ZNF804A: variants seen among roughly 807,000 people sequenced by gnomAD.
ZNF804A encodes the protein zinc finger protein 804A.
In ZNF804A, 2 loss-of-function variants were observed where a neutral mutation model predicts 16.5. That is an observed-to-expected ratio of 0.12 (90% CI 0.05 to 0.38). ZNF804A has a LOEUF of 0.38. Among genes scored for constraint, ZNF804A ranks in the 10% least tolerant of loss-of-function variants. The pLI is 0.99. For synonymous variants in ZNF804A, 534 were observed against 489.6 expected (o/e 1.09, Z -1.20); for missense variants, 1,473 against 1,390.7 (o/e 1.06, Z -0.94).
intron 2 of ZNF804A, among the ~76,000 whole-genome samples, chr2:184,909,222 G>C (rs552187154): frequency 6.6e-6 from 1 of 152,034 alleles, no homozygotes; most frequent in African/African-American, 2.4e-5. Context: ...TGGTTTTATC[G>C]AGGAAAATGT....
At chr2:184,780,970 T>A (rs555455350) in intron 1 of ZNF804A, among the ~76,000 whole-genome samples, 1 of 151,726 alleles carries the variant, frequency 6.6e-6, no homozygotes, top group Non-Finnish European at 1.5e-5. Flanking sequence ...TTATAGAGAA[T>A]AGCAGCAACT....
chr2:184,872,677 A>G (rs1372900786), intron 2 of ZNF804A, among the ~76,000 whole-genome samples: 1 of 152,182 alleles, frequency 6.6e-6, no homozygotes, highest in African/African-American at 2.4e-5. Context: ...AGAGACACCA[A>G]TTTGCCCCAA....
intron 2 of ZNF804A, among the ~76,000 whole-genome samples, chr2:184,893,100 T>G (rs1034627995): frequency 2.6e-5 from 4 of 152,158 alleles, no homozygotes; most frequent in Non-Finnish European, 5.9e-5. Context: ...AGATATTTAA[T>G]GTTTTATTTT....
intron 1 of ZNF804A, among the ~76,000 whole-genome samples, chr2:184,693,268 G>A (rs899154368): frequency 6.6e-6 from 1 of 151,970 alleles, no homozygotes; most frequent in East Asian, 1.9e-4. Context: ...CTTTTATAAG[G>A]GGTTATAGAA....
At chr2:184,765,958 A>G (rs1474604616) in intron 1 of ZNF804A, among the ~76,000 whole-genome samples, 2 of 152,186 alleles carry the variant, frequency 1.3e-5, no homozygotes, top group Admixed American at 1.3e-4. Flanking sequence ...GAAAAAATCA[A>G]TATAACACTT....
In ZNF804A at chr2:184,856,161, A is replaced by G. The variant is rs557891392; in HGVS notation, c.112-10208A>G. Among the ~76,000 whole-genome samples, 13 of 152,198 alleles carry G rather than the reference A, an allele frequency of 8.5e-5. No individual in the cohort carries two copies. The East Asian group carries it at 2.5e-3, about 29-fold the overall frequency. On this transcript the variant is annotated intron_variant, in intron 1 of 3. Coordinates refer to ENST00000302277, the MANE Select transcript of ZNF804A (RefSeq NM_194250.2). ...CAAGGACTAGAGCAGCATGTATTGT[A>G]AGCCATGATATAAAGAACCATAAAG...
chr2:184,891,576 C>A (rs1456769593), intron 2 of ZNF804A, among the ~76,000 whole-genome samples: 1 of 125,014 alleles, frequency 8.0e-6, no homozygotes, highest in African/African-American at 4.3e-5. Context: ...CTGTAGGAAA[C>A]CACTGTTATT....
At chr2:184,758,929 G>A (rs1026349227) in intron 1 of ZNF804A, among the ~76,000 whole-genome samples, 3 of 151,916 alleles carry the variant, frequency 2.0e-5, no homozygotes, top group Admixed American at 2.0e-4. Flanking sequence ...CTGCAAGAAA[G>A]TAGTATTCAA....
chr2:184,800,641 A>AT lies in ZNF804A; in HGVS notation c.112-65721dup, dbSNP rs202229097. ...TGTTTTAGTTTGAAAATATTGTACAATTTTTTTATTTTTTAGAGTTCGTAA... is the reference window on the plus strand; with the variant it reads ...TGTTTTAGTTTGAAAATATTGTACAATTTTTTTTATTTTTTAGAGTTCGTAA... On this transcript the variant is annotated intron_variant, in intron 1 of 3. Transcript: ENST00000302277. Among the ~76,000 whole-genome samples, 341 of 151,692 alleles carry AT rather than the reference A, an allele frequency of 2.2e-3. 1 individual carries two copies. The highest frequency in any genetic ancestry group is 8.4e-3 in the Middle Eastern group (2 of 238).
At chr2:184,643,613 C>A (rs907684232) in intron 1 of ZNF804A, among the ~76,000 whole-genome samples, 1 of 151,798 alleles carries the variant, frequency 6.6e-6, no homozygotes, top group Admixed American at 6.6e-5. Context: ...TCAAGAAACA[C>A]TTTATTGTGG....
intron 1 of ZNF804A, among the ~76,000 whole-genome samples, chr2:184,835,602 T>C (rs572828473): frequency 6.6e-6 from 1 of 151,140 alleles, no homozygotes; most frequent in East Asian, 1.9e-4. Context: ...CTCAGTACTG[T>C]ACTGTAATAA....
intron 1 of ZNF804A, among the ~76,000 whole-genome samples, chr2:184,844,998 G>A (rs1695491969): frequency 6.6e-6 from 1 of 151,750 alleles, no homozygotes; most frequent in Non-Finnish European, 1.5e-5. Flanking sequence ...CATGGTCAAT[G>A]GATAAGTCTG....
At chr2:184,853,868 CTTT>C (rs35756065) in intron 1 of ZNF804A, among the ~76,000 whole-genome samples, 5,721 of 138,152 alleles carry the variant, frequency 0.041, 352 homozygotes, top group African/African-American at 0.14. Context: ...AATTTTGTTT[CTTT>C]TTTTTTTTTT....
At chr2:184,749,084 G>A (rs892266759) in intron 1 of ZNF804A, among the ~76,000 whole-genome samples, 19 of 151,264 alleles carry the variant, frequency 1.3e-4, no homozygotes, top group African/African-American at 3.4e-4. Flanking sequence ...TTTTTGGTTC[G>A]ATATGGATTT....
chr2:184,686,442 C>T (rs932539922), intron 1 of ZNF804A, among the ~76,000 whole-genome samples: 1 of 152,176 alleles, frequency 6.6e-6, no homozygotes, highest in Non-Finnish European at 1.5e-5. Flanking sequence ...TCTAATCTAC[C>T]ATTAATGGAC....
chr2:184,777,456 A>T (rs1694306143), intron 1 of ZNF804A, among the ~76,000 whole-genome samples: 1 of 151,628 alleles, frequency 6.6e-6, no homozygotes, highest in Admixed American at 6.6e-5. Context: ...ACATGATACG[A>T]GGAAGTATCT....
intron 1 of ZNF804A, among the ~76,000 whole-genome samples, chr2:184,775,501 CT>C (rs1694272550): frequency 6.6e-6 from 1 of 151,702 alleles, no homozygotes; most frequent in Non-Finnish European, 1.5e-5. Context: ...CGGTTCTACA[CT>C]TCTACTTTAG....
chr2:184,786,255 C>G (rs1192179159), intron 1 of ZNF804A, among the ~76,000 whole-genome samples: 1 of 151,900 alleles, frequency 6.6e-6, no homozygotes, highest in Non-Finnish European at 1.5e-5. Flanking sequence ...TTGGAATTCT[C>G]AAGCTAATCA....
chr2:184,749,970 GATA>G (rs932793128), intron 1 of ZNF804A, among the ~76,000 whole-genome samples: 33 of 151,348 alleles, frequency 2.2e-4, no homozygotes, highest in Admixed American at 8.6e-4. Context: ...TTTGCATAAA[GATA>G]ATGAATACTT....
Sources: allele counts gnomAD v4.1 joint callset (sites outside exome capture counted in the v4.1 genomes callset), GRCh38; gene constraint gnomAD v4.1.1; transcripts MANE v1.5; gene names NCBI Gene and HGNC (gene_info 2026-07-23, HGNC 2026-07-21).